TCF7L1: variants seen among roughly 807,000 people sequenced by gnomAD.
TCF7L1 encodes the protein transcription factor 7 like 1.
TCF7L1 carries 18 observed loss-of-function variants against 63.7 expected under a neutral mutation model. The ratio of observed to expected loss-of-function variants is 0.28; its 90% CI spans 0.20 to 0.42. The LOEUF (loss-of-function observed/expected upper bound fraction) is 0.42, where lower values mean the gene tolerates loss of function less well. Ranked by LOEUF, TCF7L1 falls within the 10% of genes least tolerant of loss-of-function variation. TCF7L1 has a pLI of 1.00. For missense variants in TCF7L1, 654 were observed against 779.3 expected (o/e 0.84, Z 1.91); for synonymous variants, 355 against 340.9 (o/e 1.04, Z -0.46).
At chr2:85,264,630 A>G (rs1034424029) in intron 3 of TCF7L1, among the ~76,000 whole-genome samples, 26 of 152,324 alleles carry the variant, frequency 1.7e-4, no homozygotes, top group Admixed American at 1.5e-3. Context: ...TTGGTGTTCT[A>G]CTAGGTCAGT....
At chr2:85,225,165 C>G (rs1679929475) in intron 3 of TCF7L1, among the ~76,000 whole-genome samples, 1 of 152,174 alleles carries the variant, frequency 6.6e-6, no homozygotes, top group Non-Finnish European at 1.5e-5. Context: ...CAGTACCATG[C>G]TGTTTTGGTT....
intron 3 of TCF7L1, among the ~76,000 whole-genome samples, chr2:85,250,623 G>A (rs1680566794): frequency 6.6e-6 from 1 of 152,074 alleles, no homozygotes; most frequent in African/African-American, 2.4e-5. Context: ...TTTTAGTAGA[G>A]ACAGGGTTTC....
chr2:85,307,555 G>A (rs574814677), intron 10 of TCF7L1, 87 bp from the exon 11 acceptor site: 123 of 1,149,154 alleles, frequency 1.1e-4, no homozygotes, highest in Non-Finnish European at 1.4e-4. Flanking sequence ...AAAGGGCAAC[G>A]TCCTGTCTTC....
intron 3 of TCF7L1, among the ~76,000 whole-genome samples, chr2:85,241,431 G>GTTTTTTTTTTTTT (rs1273488175): frequency 5.1e-4 from 35 of 68,788 alleles, no homozygotes; most frequent in African/African-American, 1.8e-3. Context: ...GATGCACTTT[G>GTTTTTTTTTTTTT]TTTTTGTTTT....
intron 3 of TCF7L1, among the ~76,000 whole-genome samples, chr2:85,260,598 C>T (rs770095352): frequency 3.3e-5 from 5 of 150,756 alleles, no homozygotes; most frequent in Non-Finnish European, 5.9e-5. Context: ...GAGCCAAGAT[C>T]GTGCCACTGC....
At chr2:85,152,939 A>AT (rs1251272117) in intron 3 of TCF7L1, among the ~76,000 whole-genome samples, 3 of 152,308 alleles carry the variant, frequency 2.0e-5, no homozygotes, top group African/African-American at 4.8e-5. Flanking sequence ...TCACAAGGAG[A>AT]TTTTCACTCA....
chr2:85,297,786 CA>C (rs989356659), intron 4 of TCF7L1, among the ~76,000 whole-genome samples: 12 of 151,094 alleles, frequency 7.9e-5, no homozygotes, highest in Admixed American at 2.6e-4. Context: ...ACTGTGTCTC[CA>C]AAAAAAAGTC....
rs1022969079 is a variant in TCF7L1, at chr2:85,149,165, G to A, written c.441+14715G>A. The stretch of plus-strand genomic sequence containing the variant: ...AACAAAAGCAATTAGTATTTAGTGC[G>A]GGTTTTGAATTTACATGGTTGTCAA... On this transcript the variant is annotated intron_variant, in intron 3 of 11. Transcript: ENST00000282111. 3.9e-5 allele frequency among the ~76,000 whole-genome samples: 6 copies of A among 152,132 alleles called. No individual in the cohort carries two copies. The South Asian group carries it at 8.3e-4, about 21-fold the overall frequency.
At chr2:85,285,676 G>T (rs937154660) in intron 4 of TCF7L1, among the ~76,000 whole-genome samples, 7 of 152,188 alleles carry the variant, frequency 4.6e-5, no homozygotes, top group South Asian at 2.1e-4. Flanking sequence ...CCCTGGTGGA[G>T]GATGTGCGGA....
At chr2:85,263,624 C>A (rs1279882843) in intron 3 of TCF7L1, among the ~76,000 whole-genome samples, 3 of 152,176 alleles carry the variant, frequency 2.0e-5, no homozygotes, top group Non-Finnish European at 2.9e-5. Flanking sequence ...TTCAAAGGAG[C>A]CTTGGTTGAT....
At chr2:85,173,676 C>T (rs1056339451) in intron 3 of TCF7L1, among the ~76,000 whole-genome samples, 39 of 152,136 alleles carry the variant, frequency 2.6e-4, no homozygotes, top group Admixed American at 1.4e-3. Flanking sequence ...GCACATACTA[C>T]GGTGCCTGGT....
chr2:85,304,039 C>A, intron 6 of TCF7L1, 42 bp downstream of exon 6: 1 of 1,489,894 alleles, frequency 6.7e-7, no homozygotes, highest in Non-Finnish European at 9.3e-7. Flanking sequence ...TCCCTCCTTG[C>A]GCTGAGCTCT....
chr2:85,292,767 G>A (rs569538874), intron 4 of TCF7L1, among the ~76,000 whole-genome samples: 12 of 152,274 alleles, frequency 7.9e-5, no homozygotes, highest in Non-Finnish European at 1.5e-4. Context: ...TTATAGAGAC[G>A]GGGTTTCGGC....
At chr2:85,170,329 G>A (rs547351626) in intron 3 of TCF7L1, among the ~76,000 whole-genome samples, 1 of 152,310 alleles carries the variant, frequency 6.6e-6, no homozygotes, top group East Asian at 1.9e-4. Flanking sequence ...GTAAAATCAA[G>A]TCAATTTTGG....
At chr2:85,140,909 G>GCGAC (rs1553393094) in intron 3 of TCF7L1, among the ~76,000 whole-genome samples, 1 of 83,728 alleles carries the variant, frequency 1.2e-5, no homozygotes, top group East Asian at 9.5e-4. Flanking sequence ...AAGAGAGAGA[G>GCGAC]AGACAGAAGA....
At chr2:85,182,417 G>A (rs574192086) in intron 3 of TCF7L1, among the ~76,000 whole-genome samples, 1 of 152,302 alleles carries the variant, frequency 6.6e-6, no homozygotes, top group South Asian at 2.1e-4. Flanking sequence ...GCCAGCAGCT[G>A]CTCTCTGATC....
At position 85,241,431 on chromosome 2, in the gene TCF7L1, G is replaced by GTTTTTTTTTTTTTTT. The variant is rs1273488175; in HGVS notation, c.442-42059_442-42058insTTTTTTTTTTTTTTT. Among the ~76,000 whole-genome samples, 14 of 68,786 alleles carry GTTTTTTTTTTTTTTT rather than the reference G, an allele frequency of 2.0e-4. 1 individual carries two copies. Among genetic ancestry groups the GTTTTTTTTTTTTTTT allele is most frequent in the African/African-American group, 6.2e-4 (12 of 19,250 alleles). The allele number at this position is 68,786 out of a possible 152,430, so 45.1% of individuals were successfully genotyped here. On this transcript the variant is annotated intron_variant, in intron 3 of 11. Coordinates refer to ENST00000282111, the MANE Select transcript of TCF7L1 (RefSeq NM_031283.3). ...TGATCCAGAGGACTGGATGCACTTT[G>GTTTTTTTTTTTTTTT]TTTTTGTTTTTTTTTTTTTTTTTTT...
At position 85,271,065 on chromosome 2, in the gene TCF7L1, A is replaced by G. The variant is rs143263566; in HGVS notation, c.442-12430A>G. ...TTACAACATAAACGCCCAAAGTCCT[A>G]TATTCTAGTGCCAGTGTCGAGGAAA... On this transcript the variant is annotated intron_variant, in intron 3 of 11. Coordinates refer to ENST00000282111, the MANE Select transcript of TCF7L1 (RefSeq NM_031283.3). 9.0e-3 allele frequency among the ~76,000 whole-genome samples: 1,372 copies of G among 152,002 alleles called. 16 individuals carry two copies. The highest frequency in any genetic ancestry group is 0.032 in the African/African-American group (1,311 of 41,444).
chr2:85,157,160 T>C lies in TCF7L1; in HGVS notation c.441+22710T>C, dbSNP rs561563666. 3.3e-5 allele frequency among the ~76,000 whole-genome samples: 5 copies of C among 152,334 alleles called. No individual in the cohort carries two copies. The South Asian group carries it at 1.0e-3, about 32-fold the overall frequency. ...TAGAGACCCATTTGAATTTTAGTTATAGTTGAGGAAACTGAGGCTCAGAGA... is the reference window on the plus strand; with the variant it reads ...TAGAGACCCATTTGAATTTTAGTTACAGTTGAGGAAACTGAGGCTCAGAGA... On this transcript the variant is annotated intron_variant, in intron 3 of 11. Transcript: ENST00000282111.
Sources: allele counts gnomAD v4.1 joint callset (sites outside exome capture counted in the v4.1 genomes callset), GRCh38; gene constraint gnomAD v4.1.1; transcripts MANE v1.5; gene names NCBI Gene and HGNC (gene_info 2026-07-23, HGNC 2026-07-21).